Variants in PXDNL observed in about 807,000 individuals in gnomAD.
PXDNL encodes the protein probable oxidoreductase PXDNL.
Under a neutral mutation model 150.8 loss-of-function variants are expected in PXDNL, and 145 were observed. That is an observed-to-expected ratio of 0.96 (90% confidence interval 0.84 to 1.10). PXDNL has a LOEUF of 1.10. Among genes scored for constraint, PXDNL ranks in the 50% least tolerant of loss-of-function variants. The pLI, the probability that PXDNL is intolerant of heterozygous loss-of-function variation, is 0.00. For missense variants in PXDNL, 2,087 were observed against 1,873.9 expected (o/e 1.11, Z -2.10); for synonymous variants, 757 against 725.7 (o/e 1.04, Z -0.69).
intron 1 of PXDNL, among the ~76,000 whole-genome samples, chr8:51,744,130 GAGA>G (rs2036945873): frequency 9.5e-6 from 1 of 105,626 alleles, no homozygotes; most frequent in African/African-American, 3.1e-5. Flanking sequence ...AAGGAAGAAA[GAGA>G]AAGGAAGGAA....
At chr8:51,402,416 G>A (rs899386124) in intron 17 of PXDNL, among the ~76,000 whole-genome samples, 28 of 152,212 alleles carry the variant, frequency 1.8e-4, no homozygotes, top group Admixed American at 1.6e-3. Context: ...CTACTCGGGA[G>A]GCTGAGGCAG....
intron 5 of PXDNL, among the ~76,000 whole-genome samples, chr8:51,484,396 C>T (rs1180689246): frequency 6.7e-6 from 1 of 148,700 alleles, no homozygotes; most frequent in Admixed American, 6.8e-5. Context: ...GATTGCACCC[C>T]TACACTTCAG....
chr8:51,794,030 A>G (rs1483655095), intron 1 of PXDNL, among the ~76,000 whole-genome samples: 1 of 152,098 alleles, frequency 6.6e-6, no homozygotes, highest in Non-Finnish European at 1.5e-5. Context: ...AACCACAAGT[A>G]TCATTAACCG....
intron 17 of PXDNL, among the ~76,000 whole-genome samples, chr8:51,392,422 TG>T (rs1807940533): frequency 6.6e-6 from 1 of 152,138 alleles, no homozygotes; most frequent in African/African-American, 2.4e-5. Flanking sequence ...CATTGAGCAG[TG>T]GTTTATAGTT....
chr8:51,801,683 A>T (rs1021665137), intron 1 of PXDNL, among the ~76,000 whole-genome samples: 1 of 152,210 alleles, frequency 6.6e-6, no homozygotes. Context: ...AACAGTGTGC[A>T]CAAAGCCCAT....
intron 3 of PXDNL, among the ~76,000 whole-genome samples, chr8:51,591,843 C>A (rs1813450799): frequency 6.6e-6 from 1 of 152,220 alleles, no homozygotes; most frequent in Admixed American, 6.5e-5. Flanking sequence ...TGGTCTCCAT[C>A]TCCTGACCTC....
At chr8:51,368,201 A>G (rs1022209217) in intron 19 of PXDNL, among the ~76,000 whole-genome samples, 1 of 152,198 alleles carries the variant, frequency 6.6e-6, no homozygotes, top group Non-Finnish European at 1.5e-5. Flanking sequence ...AAATGACACG[A>G]AAACTACAAA....
At chr8:51,483,409 C>T (rs751264048) in intron 6 of PXDNL, among the ~76,000 whole-genome samples, 10 of 152,256 alleles carry the variant, frequency 6.6e-5, no homozygotes, top group Non-Finnish European at 1.5e-4. Flanking sequence ...ACGAGGAAAA[C>T]GTCTATTTTC....
At chr8:51,715,192 G>A (rs570337191) in intron 1 of PXDNL, among the ~76,000 whole-genome samples, 98 of 152,242 alleles carry the variant, frequency 6.4e-4, no homozygotes, top group African/African-American at 1.9e-3. Context: ...AATAAGTGAA[G>A]GACTTGAATA....
At chr8:51,360,286 T>A (rs1806681317) in intron 19 of PXDNL, among the ~76,000 whole-genome samples, 1 of 152,144 alleles carries the variant, frequency 6.6e-6, no homozygotes, top group Admixed American at 6.5e-5. Flanking sequence ...CACTCAAACA[T>A]GCATACACCC....
intron 3 of PXDNL, among the ~76,000 whole-genome samples, chr8:51,586,802 T>C (rs913292751): frequency 2.0e-5 from 3 of 152,140 alleles, no homozygotes; most frequent in Non-Finnish European, 4.4e-5. Flanking sequence ...CATTTAGTAA[T>C]AGGAGTTCAA....
At chr8:51,434,809 A>G (rs1401780180) in intron 12 of PXDNL, among the ~76,000 whole-genome samples, 1 of 152,224 alleles carries the variant, frequency 6.6e-6, no homozygotes, top group Non-Finnish European at 1.5e-5. Context: ...AACACAGATC[A>G]GTTTGCCATA....
chr8:51,759,869 A>C (rs1397066961), intron 1 of PXDNL, among the ~76,000 whole-genome samples: 1 of 152,214 alleles, frequency 6.6e-6, no homozygotes, highest in Non-Finnish European at 1.5e-5. Flanking sequence ...TGAATTGGCC[A>C]AGGCAATGCC....
intron 1 of PXDNL, among the ~76,000 whole-genome samples, chr8:51,725,405 G>A (rs188713373): frequency 1.0e-3 from 159 of 152,302 alleles, no homozygotes; most frequent in Non-Finnish European, 1.5e-3. Flanking sequence ...TGAGTAAACT[G>A]ATTGAAAATT....
At chr8:51,552,470 A>G (rs754723791) in intron 4 of PXDNL, among the ~76,000 whole-genome samples, 32 of 152,224 alleles carry the variant, frequency 2.1e-4, no homozygotes, top group South Asian at 1.2e-3. Flanking sequence ...AAAATGTGGT[A>G]TATATATATA....
chr8:51,575,618 G>C (rs1419334703), intron 3 of PXDNL, among the ~76,000 whole-genome samples: 1 of 151,948 alleles, frequency 6.6e-6, no homozygotes, highest in African/African-American at 2.4e-5. Flanking sequence ...AGGAGGCTAA[G>C]GTAGGAGAAT....
intron 12 of PXDNL, among the ~76,000 whole-genome samples, chr8:51,428,280 A>T (rs1358563902): frequency 6.6e-6 from 1 of 151,102 alleles, no homozygotes; most frequent in Non-Finnish European, 1.5e-5. Flanking sequence ...TAAAGATGTC[A>T]TTTCTTTACA....
intron 8 of PXDNL, among the ~76,000 whole-genome samples, chr8:51,467,168 G>T (rs145601618): frequency 4.3e-4 from 66 of 152,180 alleles, no homozygotes; most frequent in African/African-American, 1.5e-3. Flanking sequence ...ACTGGATAAA[G>T]AAAATGTACT....
intron 21 of PXDNL, among the ~76,000 whole-genome samples, chr8:51,332,570 G>A (rs1805721134): frequency 2.0e-5 from 3 of 150,322 alleles, no homozygotes; most frequent in Non-Finnish European, 3.0e-5. Context: ...GCAAGAGCTT[G>A]TATCAAAAAA....
Sources: gnomAD v4.1 joint callset for allele counts (sites outside exome capture counted in the v4.1 genomes callset) on GRCh38, gnomAD v4.1.1 for gene constraint, MANE v1.5 for transcripts, NCBI Gene and HGNC (gene_info 2026-07-23, HGNC 2026-07-21) for gene names.